Variants in MYO16 observed in about 807,000 individuals in gnomAD.
The protein encoded by MYO16 is myosin XVI, also known as unconventional myosin-XVI.
MYO16 carries 94 observed loss-of-function variants against 205.3 expected under a neutral mutation model. That is an observed-to-expected ratio of 0.46 (90% CI 0.39 to 0.54). The LOEUF (loss-of-function observed/expected upper bound fraction) is 0.54. Ranked by LOEUF, MYO16 falls within the 20% of genes least tolerant of loss-of-function variation. The probability of loss-of-function intolerance (pLI) is 0.00; values close to 1 mark genes in which losing one functional copy is unlikely to be tolerated. For synonymous variants in MYO16, 988 were observed against 954.0 expected, an observed-to-expected ratio of 1.04 and a Z score of -0.66; for missense variants, 2,315 against 2,387.5, an observed-to-expected ratio of 0.97 and a Z score of 0.63.
At chr13:108,570,444 C>T in the MYO16 span, among the ~76,000 whole-genome samples, 1 of 151,880 alleles carries the variant, frequency 6.6e-6, no homozygotes, top group African/African-American at 2.4e-5. Flanking sequence ...AGATGGGGTT[C>T]CTACTATTTT....
At chr13:108,605,640 T>C (rs903536261) in intron 1 of MYO16, among the ~76,000 whole-genome samples, 47 of 152,296 alleles carry the variant, frequency 3.1e-4, no homozygotes, top group African/African-American at 1.1e-3. Context: ...TCTGCCATGA[T>C]GGTAAGTTTC....
the MYO16 span, among the ~76,000 whole-genome samples, chr13:108,564,222 A>G: frequency 2.0e-5 from 3 of 148,582 alleles, no homozygotes; most frequent in Non-Finnish European, 4.4e-5. Flanking sequence ...CCAGGCTGGA[A>G]TGCAGTGGCA....
Position 108,960,200 on chromosome 13 carries a change from G to A in MYO16, c.2038-1339G>A, listed in dbSNP as rs1209244879. Among the ~76,000 whole-genome samples, 5 of 151,058 alleles carry A rather than the reference G, an allele frequency of 3.3e-5. No individual in the cohort carries two copies. In the South Asian group the frequency reaches 6.3e-4, roughly 19 times the overall value. ...TGAAGTGGGAGGATCACTTGAGCCCGGGAGGTCAAGGCCGTAGTAAGTTAT... is the reference window on the plus strand; with the variant it reads ...TGAAGTGGGAGGATCACTTGAGCCCAGGAGGTCAAGGCCGTAGTAAGTTAT... On this transcript the variant is annotated intron_variant, in intron 17 of 34. Transcript: ENST00000457511.
intron 2 of MYO16, among the ~76,000 whole-genome samples, chr13:108,693,510 A>G (rs1177198998): frequency 1.3e-5 from 2 of 152,122 alleles, no homozygotes; most frequent in Non-Finnish European, 2.9e-5. Flanking sequence ...TATCTGGCTT[A>G]TTTCACTCAG....
chr13:109,143,075 A>G (rs1877175684), intron 32 of MYO16, among the ~76,000 whole-genome samples: 1 of 152,114 alleles, frequency 6.6e-6, no homozygotes, highest in Admixed American at 6.5e-5. Flanking sequence ...GAGAGGTTAA[A>G]TATCTTCCTT....
At chr13:108,616,079 A>T (rs1879340450) in intron 1 of MYO16, among the ~76,000 whole-genome samples, 1 of 152,190 alleles carries the variant, frequency 6.6e-6, no homozygotes, top group Non-Finnish European at 1.5e-5. Flanking sequence ...TGATTTTCAC[A>T]AGTGCCCTCC....
At chr13:109,053,561 A>T (rs1887318438) in intron 25 of MYO16, among the ~76,000 whole-genome samples, 1 of 152,036 alleles carries the variant, frequency 6.6e-6, no homozygotes, top group Admixed American at 6.6e-5. Flanking sequence ...AAACCATCAC[A>T]CACTGCTAAC....
rs1177092509 is a variant in MYO16, at chr13:108,898,018, C to G, written c.1662C>G (p.Val554=). 1 of 1,606,770 alleles carries G rather than the reference C, an allele frequency of 6.2e-7. No individual in the cohort carries two copies. The highest frequency in any genetic ancestry group is 8.5e-7 in the Non-Finnish European group (1 of 1,173,286). ...TAAAATGTTCTCCTCTCCCACAGGTCGTGTGCATCTTAGAAGCCTTTGGAC... is the reference window on the plus strand; with the variant it reads ...TAAAATGTTCTCCTCTCCCACAGGTGGTGTGCATCTTAGAAGCCTTTGGAC... ...RATLDSRFKH[V]VCILEAFGHA... Residue 554 remains valine (V), a splice_region_variant and synonymous_variant, in exon 15 of 35, where the codon GTC becomes GTG. Coordinates refer to ENST00000457511, the MANE Select transcript of MYO16 (RefSeq NM_001198950.3).
At chr13:109,071,890 A>G (rs976361712) in intron 27 of MYO16, among the ~76,000 whole-genome samples, 5 of 152,284 alleles carry the variant, frequency 3.3e-5, no homozygotes, top group African/African-American at 7.2e-5. Flanking sequence ...TCTATGCCCA[A>G]CACACTGCCT....
rs751579165 is a variant in MYO16, at chr13:108,866,182, C to A, written c.1365C>A (p.Phe455Leu). 1 of 1,600,972 alleles carries A rather than the reference C, an allele frequency of 6.2e-7. No homozygotes were observed. The highest frequency in any genetic ancestry group is 8.5e-7 in the Non-Finnish European group (1 of 1,172,060). ...KRFGNNQIYT[F>L]IGDILLLVNP... ...TTGCATCCCTTTTTTCACAGACATT[C>A]ATTGGAGACATTCTTTTGCTTGTTA... Residue 455 changes from phenylalanine to leucine, a missense_variant, in exon 12 of 35, where the codon TTC becomes TTA. Phe to Leu is a conservative substitution (Grantham distance 22, BLOSUM62 0). Transcript: ENST00000457511.
intron 33 of MYO16, among the ~76,000 whole-genome samples, chr13:109,170,362 A>T (rs1045726455): frequency 6.6e-6 from 1 of 152,192 alleles, no homozygotes; most frequent in Non-Finnish European, 1.5e-5. Flanking sequence ...CTAGAATTAC[A>T]GACCCGCCTG....
the MYO16 span, among the ~76,000 whole-genome samples, chr13:108,495,958 A>C: frequency 6.6e-6 from 1 of 151,816 alleles, no homozygotes; most frequent in Non-Finnish European, 1.5e-5. Context: ...CGCGCGGTCC[A>C]AGCGCGGGGA....
intron 23 of MYO16, among the ~76,000 whole-genome samples, chr13:109,023,094 A>T: frequency 7.8e-6 from 1 of 128,416 alleles, no homozygotes; most frequent in South Asian, 2.3e-4. Context: ...ACATGTAAAT[A>T]TGTTTATATA....
In MYO16 at chr13:109,175,321, A is replaced by G. The variant is rs58580384; in HGVS notation, c.5324-4221A>G. On this transcript the variant is annotated intron_variant, in intron 33 of 34. Transcript: ENST00000457511. Reference sequence around the variant, plus strand: ...GCTGCTTCTTCCTGCTAAACCTTCAATCAAGGCCAAAGCCTTTTCGACTTT... The same window carrying G: ...GCTGCTTCTTCCTGCTAAACCTTCAGTCAAGGCCAAAGCCTTTTCGACTTT... Among the ~76,000 whole-genome samples, 709 of 152,296 alleles carry G rather than the reference A, an allele frequency of 4.7e-3. 6 individuals are homozygous for G. Among genetic ancestry groups the G allele is most frequent in the African/African-American group, 0.016 (650 of 41,552 alleles).
chr13:108,965,980 A>G (rs1489138864), intron 20 of MYO16, among the ~76,000 whole-genome samples: 1 of 152,174 alleles, frequency 6.6e-6, no homozygotes, highest in Non-Finnish European at 1.5e-5. Flanking sequence ...AAACATTAGA[A>G]CTAATATATA....
the MYO16 span, among the ~76,000 whole-genome samples, chr13:108,516,778 G>T: frequency 6.6e-6 from 1 of 152,128 alleles, no homozygotes; most frequent in African/African-American, 2.4e-5. Context: ...TATGTGAATA[G>T]AATTATTCAT....
At chr13:109,010,244 G>A (rs962737682) in intron 22 of MYO16, among the ~76,000 whole-genome samples, 8 of 152,144 alleles carry the variant, frequency 5.3e-5, no homozygotes, top group African/African-American at 1.7e-4. Flanking sequence ...TAAAGGAATT[G>A]GAGGTCATTA....
intron 23 of MYO16, among the ~76,000 whole-genome samples, chr13:109,040,532 T>C (rs560295928): frequency 1.3e-4 from 20 of 152,254 alleles, no homozygotes; most frequent in African/African-American, 4.6e-4. Context: ...GTTTTCTTTT[T>C]CTGGGGATGC....
chr13:108,903,053 T>G (rs1333150264), intron 15 of MYO16, among the ~76,000 whole-genome samples: 1 of 152,156 alleles, frequency 6.6e-6, no homozygotes, highest in Non-Finnish European at 1.5e-5. Flanking sequence ...ACTTAGAAGC[T>G]CTCTCAGTTA....
Sources: allele counts gnomAD v4.1 joint callset (sites outside exome capture counted in the v4.1 genomes callset), GRCh38; gene constraint gnomAD v4.1.1; transcripts MANE v1.5; gene names NCBI Gene and HGNC (gene_info 2026-07-23, HGNC 2026-07-21).